TET2: variants seen among roughly 807,000 people sequenced by gnomAD.
TET2 encodes methylcytosine dioxygenase TET2.
TET2 carries 299 observed loss-of-function variants against 142.9 expected under a neutral mutation model. The observed-to-expected ratio is 2.09, with a 90% CI of 1.90 to 2.30. The LOEUF is 2.30. TET2 is among the 30% of genes most tolerant of loss of function. The pLI, the probability that TET2 is intolerant of heterozygous loss-of-function variation, is 0.00. For synonymous variants in TET2, 819 were observed against 849.0 expected (o/e 0.96, Z 0.61); for missense variants, 2,418 against 2,378.0 (o/e 1.02, Z -0.35).
chr4:105,169,553 C>A (rs1724339919), intron 1 of TET2, among the ~76,000 whole-genome samples: 2 of 152,036 alleles, frequency 1.3e-5, no homozygotes, highest in Non-Finnish European at 2.9e-5. Context: ...GCTGACTGTT[C>A]CTATTGCTGT....
intron 10 of TET2, among the ~76,000 whole-genome samples, chr4:105,274,085 A>G (rs1031960094): frequency 1.3e-5 from 2 of 152,228 alleles, no homozygotes; most frequent in African/African-American, 2.4e-5. Context: ...AAGATGCTTG[A>G]TAAGTGTTTA....
In TET2 at chr4:105,275,445, T is replaced by C. The variant is rs1302708528; in HGVS notation, c.4935T>C (p.Tyr1645=). Residue 1645 remains tyrosine (Y), a synonymous_variant, in exon 11 of 11, where the codon TAT becomes TAC. Transcript: ENST00000380013. ...TATCAGTGGACAACTGCTCCCCATA[T>C]CTGGGTTCCTATTCTCCCCAGTCTC... ...GNLSVDNCSP[Y]LGSYSPQSQP... 8 of 1,551,560 alleles carry C rather than the reference T, an allele frequency of 5.2e-6. No homozygotes were observed. The East Asian group carries it at 7.3e-5, about 14-fold the overall frequency.
chr4:105,203,870 T>C (rs1041054895), intron 2 of TET2, among the ~76,000 whole-genome samples: 11 of 152,150 alleles, frequency 7.2e-5, no homozygotes, highest in African/African-American at 2.4e-4. Context: ...CTCCCACCCC[T>C]GTTTTTTAAT....
At position 105,236,804 on chromosome 4, in the gene TET2, G is replaced by A. The variant is rs1728955231; in HGVS notation, c.2862G>A (p.Trp954Ter). 1.2e-6 allele frequency: 2 copies of A among 1,614,082 alleles called. No homozygotes were observed. The highest frequency in any genetic ancestry group is 1.7e-6 in the Non-Finnish European group (2 of 1,180,006). ...CTCAAAAGCATGCTGCTCTAAGGTG[G>A]CATCTCTTACAGAAGCAAGAACAGC... Reference protein sequence around the residue: ...KDTQKHAALRWHLLQKQEQQQ... With the variant: ...KDTQKHAALR The change falls in exon 3 of 11, where the codon TGG becomes TGA. Residue 954 changes from tryptophan to a stop codon, truncating the protein, a stop_gained. Coordinates refer to ENST00000380013, the MANE Select transcript of TET2 (RefSeq NM_001127208.3). LOFTEE classifies it high-confidence loss of function.
chr4:105,269,748 G>T lies in TET2; in HGVS notation c.4182+1G>T. 1 of 1,551,556 alleles carries T rather than the reference G, an allele frequency of 6.4e-7. No individual in the cohort carries two copies. The highest frequency in any genetic ancestry group is 8.7e-7 in the Non-Finnish European group (1 of 1,146,890). ...CAACATGCAGAATGGCAGCACATTGGTAAGTTGGGCTGAGGACAGCTTAGC... is the reference window on the plus strand; with the variant it reads ...CAACATGCAGAATGGCAGCACATTGTTAAGTTGGGCTGAGGACAGCTTAGC... On this transcript the variant is annotated splice_donor_variant, in intron 9 of 10. Coordinates refer to ENST00000380013, the MANE Select transcript of TET2 (RefSeq NM_001127208.3). LOFTEE classifies it high-confidence loss of function.
intron 3 of TET2, chr4:105,240,763 G>T: frequency 2.8e-6 from 3 of 1,079,814 alleles, no homozygotes; most frequent in Non-Finnish European, 2.3e-6. Flanking sequence ...GACTCTCCAG[G>T]ATTTTCTCTC....
intron 1 of TET2, among the ~76,000 whole-genome samples, chr4:105,156,740 A>T (rs991545975): frequency 6.6e-6 from 1 of 152,222 alleles, no homozygotes; most frequent in African/African-American, 2.4e-5. Flanking sequence ...ACCTGTCTGC[A>T]CTAAGAAGGG....
chr4:105,173,692 G>A (rs1421389725), intron 1 of TET2, among the ~76,000 whole-genome samples: 5 of 152,108 alleles, frequency 3.3e-5, no homozygotes, highest in Non-Finnish European at 7.4e-5. Flanking sequence ...TTGCTGATTT[G>A]TTTTCTCTAC....
intron 4 of TET2, chr4:105,242,133 A>G (rs1380730482): frequency 8.6e-7 from 1 of 1,162,096 alleles, no homozygotes; most frequent in Non-Finnish European, 1.1e-6. Flanking sequence ...CTTAGGATAC[A>G]TTGGGGCAGC....
chr4:105,179,170 A>G lies in TET2; in HGVS notation c.-192-11190A>G, dbSNP rs545071587. ...TGGAGATTATGGGGATTATAATTCA[A>G]GATGAGATTTGGGTGGGGACACAAA... On this transcript the variant is annotated intron_variant, in intron 1 of 10. Transcript: ENST00000380013. Among the ~76,000 whole-genome samples, 20 of 152,328 alleles carry G rather than the reference A, an allele frequency of 1.3e-4. No individual in the cohort carries two copies. The East Asian group carries it at 3.3e-3, about 25-fold the overall frequency.
At chr4:105,173,133 A>G (rs532229327) in intron 1 of TET2, among the ~76,000 whole-genome samples, 4 of 152,288 alleles carry the variant, frequency 2.6e-5, no homozygotes, top group African/African-American at 9.6e-5. Context: ...TGCCAACACA[A>G]AGGATAAAAA....
At position 105,261,811 on chromosome 4, in the gene TET2, C is replaced by T. The variant is rs1203928988; in HGVS notation, c.4007C>T (p.Thr1336Ile). ...LQNLSTLMAP[T>I]YKKLAPDAYN... ...AACCTGTCCACTCTTATGGCACCAA[C>T]ATATAAGAAACTTGCACCTGATGCA... The change falls in exon 8 of 11, where the codon ACA (threonine) becomes ATA (isoleucine). Residue 1336 changes from threonine to isoleucine, a missense_variant. Thr to Ile is a moderately conservative substitution (Grantham distance 89, BLOSUM62 -1). Transcript: ENST00000380013. The T allele has an allele frequency of 1.9e-6, 3 of 1,549,326 alleles. No individual in the cohort carries two copies. The highest frequency in any genetic ancestry group is 2.0e-5 in the Admixed American group (1 of 50,818).
intron 2 of TET2, among the ~76,000 whole-genome samples, chr4:105,214,751 G>A (rs1727391016): frequency 6.6e-6 from 1 of 152,086 alleles, no homozygotes; most frequent in African/African-American, 2.4e-5. Flanking sequence ...AACCAGTGGA[G>A]GTTCCTGGAA....
At chr4:105,173,792 AG>A (rs1724618665) in intron 1 of TET2, among the ~76,000 whole-genome samples, 1 of 152,208 alleles carries the variant, frequency 6.6e-6, no homozygotes, top group South Asian at 2.1e-4. Flanking sequence ...TCATATTCTT[AG>A]AATTCCTGTT....
intron 1 of TET2, among the ~76,000 whole-genome samples, chr4:105,163,806 CGAGAGAGAGAGAGAGAGAGAGA>C (rs59658275): frequency 0.016 from 1,278 of 79,790 alleles, 16 homozygotes; most frequent in African/African-American, 0.036. Context: ...TCGAAAGTTT[CGAGAGAGAGAGAGAGAGAGAGA>C]GAGAGAGAGA....
chr4:105,247,873 C>T (rs1044190921), intron 6 of TET2, among the ~76,000 whole-genome samples: 6 of 151,910 alleles, frequency 3.9e-5, no homozygotes, highest in Non-Finnish European at 7.4e-5. Flanking sequence ...AAGCATGTGC[C>T]ACCTCATCCT....
At chr4:105,202,611 A>G (rs1313159010) in intron 2 of TET2, 1 of 152,162 alleles carries the variant, frequency 6.6e-6, no homozygotes, top group East Asian at 1.9e-4. Context: ...CTTCTCTGAA[A>G]TTCTGTTTTC....
At chr4:105,238,624 C>A (rs1729096116) in intron 3 of TET2, 1 of 244,268 alleles carries the variant, frequency 4.1e-6, no homozygotes, top group African/African-American at 2.2e-5. Flanking sequence ...AACTCAGCCC[C>A]ATCTTCAGGC....
rs1266000368 is a variant in TET2, at chr4:105,236,205, G to GA, written c.2266dup (p.Ile756AsnfsTer13). 2 of 1,613,954 alleles carry GA rather than the reference G, an allele frequency of 1.2e-6. No homozygotes were observed. Among genetic ancestry groups the GA allele is most frequent in the Non-Finnish European group, 1.7e-6 (2 of 1,179,986 alleles). ...AAAATTACAAATAAAGAATAAAGAG[G>GA]AAATACTCCAGACTTTTCCTCACCC... On this transcript the variant is annotated frameshift_variant, in exon 3 of 11. Coordinates refer to ENST00000380013, the MANE Select transcript of TET2 (RefSeq NM_001127208.3). LOFTEE classifies it high-confidence loss of function.
Sources: gnomAD v4.1 joint callset for allele counts (sites outside exome capture counted in the v4.1 genomes callset) on GRCh38, gnomAD v4.1.1 for gene constraint, MANE v1.5 for transcripts, NCBI Gene and HGNC (gene_info 2026-07-23, HGNC 2026-07-21) for gene names.